ANXA3: variants seen among roughly 807,000 people sequenced by gnomAD.
The protein encoded by ANXA3 is 35-alpha calcimedin.
In ANXA3, 46 loss-of-function variants were observed where a neutral mutation model predicts 48.8. The ratio of observed to expected loss-of-function variants is 0.94; its 90% confidence interval spans 0.74 to 1.21. The LOEUF (loss-of-function observed/expected upper bound fraction) is 1.21, where lower values mean the gene tolerates loss of function less well. ANXA3 is among the 50% of genes most tolerant of loss of function. The pLI is 0.00. For synonymous variants in ANXA3, 128 were observed against 134.7 expected (o/e 0.95, Z 0.35); for missense variants, 383 against 378.6 (o/e 1.01, Z -0.10).
chr4:78,579,351 A>T (rs191062798), intron 4 of ANXA3, among the ~76,000 whole-genome samples: 142 of 152,252 alleles, frequency 9.3e-4, no homozygotes, highest in African/African-American at 3.2e-3. Context: ...CTGTAGGATA[A>T]GGTTTGCCTT....
At chr4:78,594,164 C>T (rs1460204901) in intron 7 of ANXA3, among the ~76,000 whole-genome samples, 1 of 132,222 alleles carries the variant, frequency 7.6e-6, no homozygotes, top group Non-Finnish European at 1.5e-5. Context: ...CCATTTCAGG[C>T]AGGCTGGCTT....
At chr4:78,582,369 T>G in intron 5 of ANXA3, 79 bp downstream of exon 5, 1 of 916,686 alleles carries the variant, frequency 1.1e-6, no homozygotes, top group South Asian at 1.5e-5. Context: ...CAGTGCACAC[T>G]TGTGATGGGT....
chr4:78,576,574 G>T (rs1470805678), intron 3 of ANXA3, among the ~76,000 whole-genome samples: 3 of 152,136 alleles, frequency 2.0e-5, no homozygotes, highest in Non-Finnish European at 2.9e-5. Context: ...TGGGATTATA[G>T]ATGTGAGTCA....
At chr4:78,555,994 G>A (rs537119342) in intron 2 of ANXA3, among the ~76,000 whole-genome samples, 1 of 151,932 alleles carries the variant, frequency 6.6e-6, no homozygotes, top group South Asian at 2.1e-4. Context: ...TTTATTCTCT[G>A]TTCATGGGAG....
intron 2 of ANXA3, among the ~76,000 whole-genome samples, chr4:78,560,217 A>G (rs1309835446): frequency 2.6e-5 from 4 of 152,196 alleles, no homozygotes; most frequent in Non-Finnish European, 5.9e-5. Flanking sequence ...CTAACTACCC[A>G]GCATTAGCAT....
At chr4:78,555,108 G>A (rs1026863868) in intron 2 of ANXA3, among the ~76,000 whole-genome samples, 9 of 152,244 alleles carry the variant, frequency 5.9e-5, no homozygotes, top group Non-Finnish European at 1.2e-4. Context: ...AGGAGGCTGA[G>A]GCAGGAGAAT....
At chr4:78,556,511 T>A (rs1338617464) in intron 2 of ANXA3, among the ~76,000 whole-genome samples, 6 of 152,128 alleles carry the variant, frequency 3.9e-5, no homozygotes, top group Non-Finnish European at 8.8e-5. Flanking sequence ...TTTTTTTTTT[T>A]AATCATGAGC....
At chr4:78,552,245 A>C (rs1183082060) in intron 1 of ANXA3, 1 of 152,300 alleles carries the variant, frequency 6.6e-6, no homozygotes, top group Non-Finnish European at 1.5e-5. Context: ...GGTCTAGGGG[A>C]CAGAAAAAAG....
At chr4:78,561,841 C>A (rs1402633481) in intron 2 of ANXA3, among the ~76,000 whole-genome samples, 3 of 152,160 alleles carry the variant, frequency 2.0e-5, no homozygotes, top group Non-Finnish European at 4.4e-5. Flanking sequence ...CACAAATGGT[C>A]TTTTGCAGAA....
chr4:78,558,449 C>T (rs1722562070), intron 2 of ANXA3, among the ~76,000 whole-genome samples: 1 of 152,154 alleles, frequency 6.6e-6, no homozygotes, highest in African/African-American at 2.4e-5. Context: ...CACACAAAAC[C>T]ACATACACAC....
At chr4:78,605,180 G>T (rs2109951301) in intron 12 of ANXA3, among the ~76,000 whole-genome samples, 1 of 152,160 alleles carries the variant, frequency 6.6e-6, no homozygotes, top group East Asian at 1.9e-4. Flanking sequence ...AGGCTGAAGT[G>T]CTGTGGCTGT....
Position 78,610,144 on chromosome 4 carries a change from G to C in ANXA3, c.*29G>C. 6.4e-7 allele frequency: 1 copy of C among 1,568,670 alleles called. No homozygotes were observed. Among genetic ancestry groups the C allele is most frequent in the South Asian group, 1.1e-5 (1 of 88,144 alleles). On this transcript the variant is annotated 3_prime_UTR_variant, in exon 13 of 13. Transcript: ENST00000264908. Reference sequence around the variant, plus strand: ...AAGAAGATAATCTCCAAAGGTCCACGATGGGCTTTCCCAACAGCTCCACCT... The same window carrying C: ...AAGAAGATAATCTCCAAAGGTCCACCATGGGCTTTCCCAACAGCTCCACCT...
chr4:78,605,345 A>G (rs77157001), intron 12 of ANXA3, among the ~76,000 whole-genome samples: 9,820 of 152,126 alleles, frequency 0.065, 366 homozygotes, highest in Middle Eastern at 0.095. Context: ...TGTAATATAC[A>G]TTTTTCTTAG....
chr4:78,586,412 C>T, intron 6 of ANXA3, 62 bp downstream of exon 6: 2 of 1,246,474 alleles, frequency 1.6e-6, no homozygotes, highest in Non-Finnish European at 2.3e-6. Context: ...TGTTGCTTTT[C>T]CTAGAATCCT....
intron 5 of ANXA3, among the ~76,000 whole-genome samples, chr4:78,583,392 G>T (rs1450161620): frequency 6.6e-6 from 1 of 151,862 alleles, no homozygotes; most frequent in Non-Finnish European, 1.5e-5. Context: ...ATGGTGGGAG[G>T]ATTGCTTGGG....
chr4:78,587,929 T>C (rs1723211010), intron 6 of ANXA3, among the ~76,000 whole-genome samples: 1 of 151,832 alleles, frequency 6.6e-6, no homozygotes. Flanking sequence ...CCATCTCTAC[T>C]AAAAAATACA....
intron 5 of ANXA3, among the ~76,000 whole-genome samples, chr4:78,584,239 T>C (rs1315367492): frequency 6.6e-6 from 1 of 152,176 alleles, no homozygotes; most frequent in Non-Finnish European, 1.5e-5. Flanking sequence ...AGTAAAGTGG[T>C]GCAATTATGG....
intron 6 of ANXA3, 98 bp downstream of exon 6, chr4:78,586,448 A>T: frequency 1.2e-6 from 1 of 833,332 alleles, no homozygotes; most frequent in Non-Finnish European, 1.9e-6. Context: ...AGGCATTTTG[A>T]GAAGACAAGA....
At chr4:78,595,514 G>C in intron 8 of ANXA3, 77 bp downstream of exon 8, 1 of 1,411,512 alleles carries the variant, frequency 7.1e-7, no homozygotes, top group East Asian at 2.3e-5. Flanking sequence ...TGAAAAGGGA[G>C]AAAAATAGCA....
Sources: gnomAD v4.1 joint callset for allele counts (sites outside exome capture counted in the v4.1 genomes callset) on GRCh38, gnomAD v4.1.1 for gene constraint, MANE v1.5 for transcripts, NCBI Gene and HGNC (gene_info 2026-07-23, HGNC 2026-07-21) for gene names.